The following N4BP1 variants were observed in gnomAD, a reference collection of about 807,000 sequenced individuals.
The protein encoded by N4BP1 is NEDD4-binding protein 1.
N4BP1 carries 21 observed loss-of-function variants against 70.9 expected under a neutral mutation model. The observed-to-expected ratio is 0.30, with a 90% confidence interval of 0.21 to 0.43. N4BP1 has a LOEUF of 0.43. Among genes scored for constraint, N4BP1 ranks in the 20% least tolerant of loss-of-function variants. The pLI, the probability that N4BP1 is intolerant of heterozygous loss-of-function variation, is 1.00. For synonymous variants in N4BP1, 387 were observed against 394.6 expected (o/e 0.98, Z 0.23); for missense variants, 936 against 1,069.4 (o/e 0.88, Z 1.74).
At chr16:48,573,366 C>T (rs367606941) in intron 1 of N4BP1, among the ~76,000 whole-genome samples, 5 of 151,996 alleles carry the variant, frequency 3.3e-5, no homozygotes, top group African/African-American at 1.2e-4. Flanking sequence ...CCAAGGCAGG[C>T]GGATTGTTTG....
chr16:48,579,019 TTTGACAA>T (rs1964139361), intron 1 of N4BP1, among the ~76,000 whole-genome samples: 1 of 149,372 alleles, frequency 6.7e-6, no homozygotes, highest in African/African-American at 2.6e-5. Flanking sequence ...CCAAGAGACA[TTTGACAA>T]TGCCAAGAGA....
chr16:48,604,862 C>A (rs1441194692), intron 1 of N4BP1, among the ~76,000 whole-genome samples: 1 of 152,164 alleles, frequency 6.6e-6, no homozygotes, highest in Non-Finnish European at 1.5e-5. Context: ...CTGAGCCCTA[C>A]CATGTAACTG....
chr16:48,609,546 G>A (rs1410336680), intron 1 of N4BP1, among the ~76,000 whole-genome samples: 1 of 152,234 alleles, frequency 6.6e-6, no homozygotes, highest in Non-Finnish European at 1.5e-5. Flanking sequence ...CTCTGAGGTA[G>A]GTACTTTCGT....
chr16:48,600,402 T>C (rs763939456), intron 1 of N4BP1: 4 of 692,948 alleles, frequency 5.8e-6, no homozygotes, highest in Non-Finnish European at 1.1e-5. Flanking sequence ...AACCATCAAA[T>C]ACCAGTGAGA....
chr16:48,597,775 C>T (rs1181614999), intron 1 of N4BP1, among the ~76,000 whole-genome samples: 2 of 152,154 alleles, frequency 1.3e-5, no homozygotes, highest in African/African-American at 4.8e-5. Context: ...TCTAGTGGCC[C>T]TACAAATAAA....
At chr16:48,608,953 G>C (rs1363171768) in intron 1 of N4BP1, among the ~76,000 whole-genome samples, 1 of 151,490 alleles carries the variant, frequency 6.6e-6, no homozygotes, top group Non-Finnish European at 1.5e-5. Context: ...GGTGGCTCCC[G>C]CGTGTAGTCC....
chr16:48,568,686 T>C (rs1013197098), intron 1 of N4BP1, among the ~76,000 whole-genome samples: 1 of 152,352 alleles, frequency 6.6e-6, no homozygotes, highest in Non-Finnish European at 1.5e-5. Flanking sequence ...TGGGTTAACA[T>C]TTCTTGTCTT....
intron 1 of N4BP1, among the ~76,000 whole-genome samples, chr16:48,581,855 G>A (rs890309857): frequency 2.0e-5 from 3 of 152,004 alleles, no homozygotes; most frequent in African/African-American, 7.2e-5. Context: ...GAAACTACTA[G>A]ATGAAAACAT....
intron 1 of N4BP1, among the ~76,000 whole-genome samples, chr16:48,593,713 A>G (rs1484616298): frequency 6.6e-6 from 1 of 152,208 alleles, no homozygotes; most frequent in Non-Finnish European, 1.5e-5. Context: ...GTAAAATGCT[A>G]TTAAACTAAA....
rs574650933 is a variant in N4BP1 at position 48,603,276 on chromosome 16, G to A, written c.198+6499C>T. Reference sequence around the variant, plus strand: ...CTGAGTTTCATGGGTGCACTGTAACGTCAATGTTTTAAGACTGAGTAGTCC... The same window carrying A: ...CTGAGTTTCATGGGTGCACTGTAACATCAATGTTTTAAGACTGAGTAGTCC... On this transcript the variant is annotated intron_variant, in intron 1 of 6. Coordinates refer to ENST00000262384, the MANE Select transcript of N4BP1 (RefSeq NM_153029.4). Among the ~76,000 whole-genome samples, 35 of 151,950 alleles carry A rather than the reference G, an allele frequency of 2.3e-4. No homozygotes were observed. The East Asian group carries it at 5.8e-3, about 25-fold the overall frequency.
intron 6 of N4BP1, among the ~76,000 whole-genome samples, chr16:48,545,885 G>A (rs1963583970): frequency 6.6e-6 from 1 of 151,950 alleles, no homozygotes; most frequent in African/African-American, 2.4e-5. Flanking sequence ...AAAAGAGCTG[G>A]GCATGGTGGT....
Sources: allele counts gnomAD v4.1 joint callset (sites outside exome capture counted in the v4.1 genomes callset), GRCh38; gene constraint gnomAD v4.1.1; transcripts MANE v1.5; gene names NCBI Gene and HGNC (gene_info 2026-07-23, HGNC 2026-07-21).